Variants in F13A1 observed in about 807,000 individuals in gnomAD.
The protein encoded by F13A1 is FSF, A subunit.
A neutral mutation model predicts 80.1 loss-of-function variants in F13A1; 47 were observed. The ratio of observed to expected loss-of-function variants is 0.59; its 90% CI spans 0.46 to 0.75. The LOEUF is 0.75. F13A1 is among the 30% of genes least tolerant of loss of function. The probability of loss-of-function intolerance (pLI) is 0.00; values close to 1 mark genes in which losing one functional copy is unlikely to be tolerated. For missense variants in F13A1, 817 were observed against 930.4 expected (o/e 0.88, Z 1.59); for synonymous variants, 349 against 344.9 (o/e 1.01, Z -0.13).
chr6:6,278,045 C>T (rs1369324942), intron 3 of F13A1, among the ~76,000 whole-genome samples: 2 of 152,200 alleles, frequency 1.3e-5, no homozygotes, highest in Non-Finnish European at 2.9e-5. Flanking sequence ...ATAAAGACTC[C>T]TTTCCAAATG....
chr6:6,238,492 G>A (rs1757441618), intron 6 of F13A1, among the ~76,000 whole-genome samples: 1 of 151,988 alleles, frequency 6.6e-6, no homozygotes, highest in Admixed American at 6.6e-5. Context: ...ATTTACTGGG[G>A]ATGACTATTA....
intron 12 of F13A1, 86 bp downstream of exon 12, chr6:6,174,494 A>T: frequency 1.4e-6 from 2 of 1,444,720 alleles, no homozygotes; most frequent in Non-Finnish European, 9.7e-7. Context: ...TTTAACTTTG[A>T]TATAAAGCTA....
chr6:6,167,376 ACATACAAGCACG>A lies in F13A1; in HGVS notation c.1908+70_1908+81del, dbSNP rs2151072726. The A allele has an allele frequency of 2.9e-6, 4 of 1,374,966 alleles. No homozygotes were observed. In the South Asian group the frequency reaches 4.7e-5, roughly 16 times the overall value. 85.2% of individuals were successfully genotyped at this position (1,374,966 alleles called of 1,614,324 possible). A position where few individuals can be genotyped will look rare whatever the true frequency, so the allele number is the denominator to read the frequency against. ...AGGACATTCATTCACACACACACAC[ACATACAAGCACG>A]CATATGCACACATGAACACTAAGTC... On this transcript the variant is annotated intron_variant, in intron 13 of 14. Coordinates refer to ENST00000264870, the MANE Select transcript of F13A1 (RefSeq NM_000129.4).
At chr6:6,147,138 C>T (rs929304504) in intron 14 of F13A1, among the ~76,000 whole-genome samples, 1 of 152,152 alleles carries the variant, frequency 6.6e-6, no homozygotes, top group African/African-American at 2.4e-5. Flanking sequence ...AACAATGACG[C>T]AATGGTCTTT....
intron 2 of F13A1, among the ~76,000 whole-genome samples, chr6:6,312,603 G>A (rs1488674434): frequency 7.0e-6 from 1 of 143,714 alleles, no homozygotes; most frequent in South Asian, 2.3e-4. Context: ...GCTTGAACCC[G>A]GGAGGTGGAG....
At position 6,248,293 on chromosome 6, in the gene F13A1, A is replaced by G. The variant is rs769445971; in HGVS notation, c.798+19T>C. The G allele has an allele frequency of 5.6e-6, 9 of 1,595,926 alleles. No homozygotes were observed. Among genetic ancestry groups the G allele is most frequent in the Non-Finnish European group, 7.7e-6 (9 of 1,163,672 alleles). On this transcript the variant is annotated intron_variant, in intron 6 of 14. Transcript: ENST00000264870. Reference sequence around the variant, plus strand: ...ATGACAGGTGTAACAGATTTTAGGTATCAGTAATTGCTGCTTACCATTGCA... The same window carrying G: ...ATGACAGGTGTAACAGATTTTAGGTGTCAGTAATTGCTGCTTACCATTGCA...
intron 8 of F13A1, among the ~76,000 whole-genome samples, chr6:6,198,106 AG>A: frequency 6.6e-6 from 1 of 152,260 alleles, no homozygotes; most frequent in Admixed American, 6.5e-5. Flanking sequence ...CTATTACTGT[AG>A]AAACTACAAC....
rs73720330 is a variant in F13A1, at chr6:6,182,246, G to C, written c.1306-105C>G. On this transcript the variant is annotated intron_variant, in intron 10 of 14. Coordinates refer to ENST00000264870, the MANE Select transcript of F13A1 (RefSeq NM_000129.4). ...GTCTAGAGATCTCTGGAGCTGACAT[G>C]CCCCTTTCTTCAACAACATTGGATT... 1,759 of 1,246,430 alleles carry C rather than the reference G, an allele frequency of 1.4e-3. 25 individuals carry two copies. The African/African-American group carries it at 0.024, about 17-fold the overall frequency. 77.2% of individuals were successfully genotyped at this position (1,246,430 alleles called of 1,614,324 possible).
intron 2 of F13A1, among the ~76,000 whole-genome samples, chr6:6,307,214 A>G (rs573000648): frequency 3.3e-5 from 5 of 152,200 alleles, no homozygotes; most frequent in African/African-American, 1.2e-4. Context: ...CAGCCATTTC[A>G]CAGGGCGTGG....
At chr6:6,266,508 C>T (rs760688845) in intron 4 of F13A1, 50 bp downstream of exon 4, 27 of 1,613,990 alleles carry the variant, frequency 1.7e-5, no homozygotes, top group East Asian at 6.7e-5. Context: ...CATGGCACCC[C>T]GCCAAATAGG....
At chr6:6,159,211 T>A (rs1280353195) in intron 13 of F13A1, among the ~76,000 whole-genome samples, 1 of 152,094 alleles carries the variant, frequency 6.6e-6, no homozygotes, top group African/African-American at 2.4e-5. Flanking sequence ...GTTTCCCCAA[T>A]TTTAATGTGT....
At chr6:6,311,648 T>TAAAAACATATATTGTTTA (rs1203959020) in intron 2 of F13A1, among the ~76,000 whole-genome samples, 6,643 of 146,946 alleles carry the variant, frequency 0.045, 355 homozygotes, top group African/African-American at 0.13. Flanking sequence ...TGTTTATATA[T>TAAAAACATATATTGTTTA]TATATATTGT....
At chr6:6,151,763 C>T (rs1760380365) in intron 14 of F13A1, 50 bp downstream of exon 14, 1 of 1,612,572 alleles carries the variant, frequency 6.2e-7, no homozygotes, top group African/African-American at 1.3e-5. Flanking sequence ...ACAGAGAAAG[C>T]TTCCCACAGC....
intron 13 of F13A1, 92 bp downstream of exon 13, chr6:6,167,362 TCACA>T (rs1192090732): frequency 1.8e-5 from 20 of 1,114,186 alleles, no homozygotes; most frequent in African/African-American, 3.3e-5. Context: ...GGACATTCAT[TCACA>T]CACACACACA....
intron 6 of F13A1, among the ~76,000 whole-genome samples, chr6:6,242,530 T>A (rs1371553863): frequency 6.6e-6 from 1 of 152,192 alleles, no homozygotes; most frequent in Non-Finnish European, 1.5e-5. Context: ...TTGACGTTTT[T>A]TTCTCTCCTC....
intron 8 of F13A1, among the ~76,000 whole-genome samples, chr6:6,212,435 G>A (rs879397339): frequency 1.3e-5 from 2 of 152,200 alleles, no homozygotes; most frequent in African/African-American, 2.4e-5. Flanking sequence ...ACCTCACACG[G>A]CCGGGTACTC....
rs773642873 is a variant in F13A1, at chr6:6,311,043, T to C, written c.131-5504A>G. Reference sequence around the variant, plus strand: ...GATTCGCAGGAAACATCTGTCTTTTTTTTTTTAAAAAAAAGTATCATTGTC... The same window carrying C: ...GATTCGCAGGAAACATCTGTCTTTTCTTTTTTAAAAAAAAGTATCATTGTC... On this transcript the variant is annotated intron_variant, in intron 2 of 14. Coordinates refer to ENST00000264870, the MANE Select transcript of F13A1 (RefSeq NM_000129.4). Among the ~76,000 whole-genome samples, 1,065 of 150,982 alleles carry C rather than the reference T, an allele frequency of 7.1e-3. 5 individuals carry two copies. Among genetic ancestry groups the C allele is most frequent in the African/African-American group, 8.9e-3 (364 of 41,008 alleles).
chr6:6,255,425 A>G (rs1757690245), intron 4 of F13A1, among the ~76,000 whole-genome samples: 1 of 152,124 alleles, frequency 6.6e-6, no homozygotes, highest in Admixed American at 6.5e-5. Context: ...GTGAGTTGTG[A>G]AGCTAGGATT....
intron 13 of F13A1, among the ~76,000 whole-genome samples, chr6:6,156,234 C>G (rs1486650532): frequency 1.3e-5 from 2 of 152,152 alleles, no homozygotes; most frequent in African/African-American, 4.8e-5. Context: ...ACATTCCTGT[C>G]CTTTATACTA....
Sources: allele counts gnomAD v4.1 joint callset (sites outside exome capture counted in the v4.1 genomes callset), GRCh38; gene constraint gnomAD v4.1.1; transcripts MANE v1.5; gene names NCBI Gene and HGNC (gene_info 2026-07-23, HGNC 2026-07-21).